Variants in GALNT7 observed in about 807,000 individuals in gnomAD.
GALNT7 encodes the protein N-acetylgalactosaminyltransferase 7.
A neutral mutation model predicts 82.1 loss-of-function variants in GALNT7; 60 were observed. The ratio of observed to expected loss-of-function variants is 0.73; its 90% CI spans 0.59 to 0.91. The LOEUF (loss-of-function observed/expected upper bound fraction) is 0.91. GALNT7 is among the 40% of genes least tolerant of loss of function. The pLI is 0.00. For synonymous variants in GALNT7, 243 were observed against 275.1 expected (o/e 0.88, Z 1.15); for missense variants, 660 against 804.2 (o/e 0.82, Z 2.17).
chr4:173,248,617 T>G (rs550519081), intron 2 of GALNT7, among the ~76,000 whole-genome samples, 177 bp downstream of exon 2: 1 of 152,242 alleles, frequency 6.6e-6, no homozygotes, highest in Non-Finnish European at 1.5e-5. Flanking sequence ...TTTATGCCAT[T>G]GTATTGAAGG....
At chr4:173,262,872 C>T (rs1391273193) in intron 2 of GALNT7, among the ~76,000 whole-genome samples, 3 of 152,090 alleles carry the variant, frequency 2.0e-5, no homozygotes, top group African/African-American at 7.2e-5. Flanking sequence ...AATAAATCTT[C>T]ATCAAGGAAG....
rs1201356970 is a variant in GALNT7, at chr4:173,320,176, G to A, written c.1837-1404G>A. Among the ~76,000 whole-genome samples the A allele has an allele frequency of 3.3e-5, 5 of 151,956 alleles. No homozygotes were observed. On this transcript the variant is annotated intron_variant, in intron 11 of 11. Coordinates refer to ENST00000265000, the MANE Select transcript of GALNT7 (RefSeq NM_017423.3). The surrounding 1 kb of genome is among the most constrained non-coding windows in gnomAD (Gnocchi z 4.1). ...GTGAGGTATGGACTGATGAAGCAACGAGATCAGCTTGAGCAGCAGTTCTCA... is the reference window on the plus strand; with the variant it reads ...GTGAGGTATGGACTGATGAAGCAACAAGATCAGCTTGAGCAGCAGTTCTCA...
intron 2 of GALNT7, among the ~76,000 whole-genome samples, chr4:173,259,584 C>A (rs899651097): frequency 2.6e-5 from 4 of 152,110 alleles, no homozygotes; most frequent in Admixed American, 2.6e-4. Flanking sequence ...ATATTAAACT[C>A]ATTCTCCTCT....
chr4:173,247,320 C>T (rs1426119743), intron 1 of GALNT7, among the ~76,000 whole-genome samples: 1 of 150,406 alleles, frequency 6.6e-6, no homozygotes, highest in East Asian at 1.9e-4. Flanking sequence ...CTGTTTTGAC[C>T]CATGCTGCTT....
intron 1 of GALNT7, among the ~76,000 whole-genome samples, chr4:173,233,087 A>G (rs1734088758): frequency 6.6e-6 from 1 of 152,218 alleles, no homozygotes; most frequent in South Asian, 2.1e-4. Context: ...GTGGCTGAAT[A>G]GTACTCCATT....
chr4:173,198,003 C>A (rs1240538995), intron 1 of GALNT7, among the ~76,000 whole-genome samples: 2 of 152,304 alleles, frequency 1.3e-5, no homozygotes, highest in East Asian at 3.9e-4. Flanking sequence ...ATGCATTACA[C>A]TGCATTTCAA....
chr4:173,302,824 C>T lies in GALNT7; in HGVS notation c.1266+660C>T, dbSNP rs1313374207. On this transcript the variant is annotated intron_variant, in intron 7 of 11. Transcript: ENST00000265000. This position sits in a 1 kb window ranked among gnomAD's most constrained non-coding sequence, Gnocchi z 4.2. ...TAGAAGAGGAGTAAACCAGTTGTTG[C>T]TCTCAAGGAACTTGATAAGAAGATA... is the stretch of plus-strand genomic sequence containing the variant. Among the ~76,000 whole-genome samples, 2 of 152,218 alleles carry T rather than the reference C, an allele frequency of 1.3e-5. No individual in the cohort carries two copies. The highest frequency in any genetic ancestry group is 2.9e-5 in the Non-Finnish European group (2 of 68,048).
intron 2 of GALNT7, among the ~76,000 whole-genome samples, chr4:173,262,687 G>A (rs1386516693): frequency 6.6e-6 from 1 of 152,022 alleles, no homozygotes; most frequent in Non-Finnish European, 1.5e-5. Flanking sequence ...AGTGAAAATG[G>A]CATTCTATTA....
At chr4:173,282,633 G>C (rs1461720742) in intron 2 of GALNT7, among the ~76,000 whole-genome samples, 1 of 152,110 alleles carries the variant, frequency 6.6e-6, no homozygotes, top group East Asian at 1.9e-4. Context: ...TTCCTCCCGA[G>C]GCTGGTTTAA....
chr4:173,233,868 T>A (rs1734122275), intron 1 of GALNT7, among the ~76,000 whole-genome samples: 1 of 152,216 alleles, frequency 6.6e-6, no homozygotes. Flanking sequence ...CCACTTCATA[T>A]TTCTTCCAGC....
At chr4:173,188,051 A>T (rs1411558186) in intron 1 of GALNT7, among the ~76,000 whole-genome samples, 1 of 152,218 alleles carries the variant, frequency 6.6e-6, no homozygotes, top group African/African-American at 2.4e-5. Context: ...ATACTTATAT[A>T]CTAATACAAC....
chr4:173,183,991 A>G (rs931688069), intron 1 of GALNT7, among the ~76,000 whole-genome samples: 6 of 138,088 alleles, frequency 4.3e-5, no homozygotes, highest in African/African-American at 1.7e-4. Flanking sequence ...CGCTCTTCAC[A>G]TCTCAGACGG....
chr4:173,209,873 G>T (rs1208772179), intron 1 of GALNT7, among the ~76,000 whole-genome samples: 3 of 152,200 alleles, frequency 2.0e-5, no homozygotes, highest in African/African-American at 2.4e-5. Flanking sequence ...AGTGGCTGAC[G>T]CCTGTAATTG....
At chr4:173,296,529 A>T (rs1456770656) in intron 5 of GALNT7, among the ~76,000 whole-genome samples, 1 of 152,224 alleles carries the variant, frequency 6.6e-6, no homozygotes, top group Non-Finnish European at 1.5e-5. Flanking sequence ...CCGAACATGA[A>T]CATTTTTCAC....
intron 2 of GALNT7, among the ~76,000 whole-genome samples, chr4:173,254,020 G>A (rs1217530726): frequency 6.6e-6 from 1 of 152,082 alleles, no homozygotes; most frequent in African/African-American, 2.4e-5. Context: ...TTGACTTATT[G>A]AATGAATTCA....
In GALNT7 at chr4:173,288,231, C is replaced by T. The variant is rs374326177; in HGVS notation, c.588-3877C>T. On this transcript the variant is annotated intron_variant, in intron 2 of 11. Coordinates refer to ENST00000265000, the MANE Select transcript of GALNT7 (RefSeq NM_017423.3). ...CCGGGAGGCGGAGCTTGCAGTGAGC[C>T]GAGATCGCGCCACTGCACTCCAGCC... Among the ~76,000 whole-genome samples, 48 of 140,758 alleles carry T rather than the reference C, an allele frequency of 3.4e-4. No individual in the cohort carries two copies. The East Asian group carries it at 9.6e-3, about 28-fold the overall frequency. The allele number at this position is 140,758 out of a possible 152,430, so 92.3% of individuals were successfully genotyped here.
At chr4:173,180,326 CTTTTTT>C (rs10687213) in intron 1 of GALNT7, among the ~76,000 whole-genome samples, 2 of 123,186 alleles carry the variant, frequency 1.6e-5, no homozygotes, top group East Asian at 4.7e-4. Flanking sequence ...ATTGGAGTTC[CTTTTTT>C]TTTTTTTTTT....
rs1182438414 is a variant in GALNT7, at chr4:173,288,065, C to T, written c.588-4043C>T. On this transcript the variant is annotated intron_variant, in intron 2 of 11. Transcript: ENST00000265000. ...TTGGGAGGCCGAGGCGGGCGGATCACGAGGTCAGGAGATCGAGACCATCCT... is the reference window on the plus strand; with the variant it reads ...TTGGGAGGCCGAGGCGGGCGGATCATGAGGTCAGGAGATCGAGACCATCCT... 4.0e-5 allele frequency among the ~76,000 whole-genome samples: 6 copies of T among 151,848 alleles called. No individual in the cohort carries two copies. The East Asian group carries it at 5.8e-4, about 15-fold the overall frequency.
chr4:173,232,611 T>A (rs533508230), intron 1 of GALNT7, among the ~76,000 whole-genome samples: 10 of 152,080 alleles, frequency 6.6e-5, no homozygotes, highest in East Asian at 3.9e-4. Context: ...TTAAAAAAAA[T>A]TTTTGTAAAG....
Sources: gnomAD v4.1 joint callset for allele counts (sites outside exome capture counted in the v4.1 genomes callset) on GRCh38, gnomAD v4.1.1 for gene constraint, Gnocchi (gnomAD v3.1) non-coding constraint, MANE v1.5 for transcripts, NCBI Gene and HGNC (gene_info 2026-07-23, HGNC 2026-07-21) for gene names.